FRMD3: variants seen among roughly 807,000 people sequenced by gnomAD.
FRMD3 encodes FERM domain containing 3, also known as FERM domain-containing protein 3.
Under a neutral mutation model 70.2 loss-of-function variants are expected in FRMD3, and 33 were observed. The observed-to-expected ratio is 0.47, with a 90% CI of 0.36 to 0.63. The LOEUF is 0.63. FRMD3 is among the 20% of genes least tolerant of loss of function. The pLI, the probability that FRMD3 is intolerant of heterozygous loss-of-function variation, is 0.00. For missense variants in FRMD3, 632 were observed against 711.4 expected (o/e 0.89, Z 1.27); for synonymous variants, 279 against 255.9 (o/e 1.09, Z -0.86).
rs1281172382 is a variant in FRMD3, at chr9:83,349,676, T to C, written c.374+3A>G. The C allele has an allele frequency of 6.2e-7, 1 of 1,604,334 alleles. No homozygotes were observed. Among genetic ancestry groups the C allele is most frequent in the African/African-American group, 1.3e-5 (1 of 74,908 alleles). On this transcript the variant is annotated splice_donor_region_variant and intron_variant, in intron 4 of 13. Transcript: ENST00000304195. ...GTTAAACATACAAACAAACAAAAAA[T>C]ACCTTGTGAGCTCTTCTTTAATCTT...
intron 1 of FRMD3, among the ~76,000 whole-genome samples, chr9:83,508,091 A>G (rs1829246319): frequency 6.6e-6 from 1 of 152,170 alleles, no homozygotes; most frequent in East Asian, 1.9e-4. Context: ...AAGAATTACA[A>G]CTATAAGCAA....
At chr9:83,284,464 TG>T (rs1327030417) in intron 13 of FRMD3, among the ~76,000 whole-genome samples, 1 of 152,056 alleles carries the variant, frequency 6.6e-6, no homozygotes, top group African/African-American at 2.4e-5. Context: ...AAAAATTAGC[TG>T]GGCATGGTGG....
At chr9:83,269,353 TTC>T (rs1273426558) in intron 13 of FRMD3, among the ~76,000 whole-genome samples, 3 of 152,354 alleles carry the variant, frequency 2.0e-5, no homozygotes, top group East Asian at 1.9e-4. Flanking sequence ...CATATTTTAT[TTC>T]TGTTTTTTTC....
chr9:83,455,474 C>T (rs998740507), intron 1 of FRMD3, among the ~76,000 whole-genome samples: 1 of 152,120 alleles, frequency 6.6e-6, no homozygotes, highest in Non-Finnish European at 1.5e-5. Flanking sequence ...GGGGTTGCCA[C>T]TTTTGCTTCT....
chr9:83,255,048 T>G (rs185019462), intron 13 of FRMD3, among the ~76,000 whole-genome samples: 1 of 152,284 alleles, frequency 6.6e-6, no homozygotes, highest in East Asian at 1.9e-4. Context: ...AGCATCATCC[T>G]ATACCGAAAC....
At chr9:83,274,047 C>G (rs1299335148) in intron 13 of FRMD3, among the ~76,000 whole-genome samples, 1 of 152,148 alleles carries the variant, frequency 6.6e-6, no homozygotes, top group East Asian at 1.9e-4. Flanking sequence ...TCTTGAACTC[C>G]TAGCCTCAGG....
chr9:83,322,927 C>T (rs577935732), intron 6 of FRMD3, among the ~76,000 whole-genome samples: 1 of 152,288 alleles, frequency 6.6e-6, no homozygotes, highest in South Asian at 2.1e-4. Context: ...GGCACATACT[C>T]CTATATCTAG....
intron 6 of FRMD3, 50 bp downstream of exon 6, chr9:83,335,466 G>A (rs1564021555): frequency 6.6e-7 from 1 of 1,519,592 alleles, no homozygotes; most frequent in Non-Finnish European, 9.1e-7. Flanking sequence ...CCTGCAGTAA[G>A]AATATTTTCT....
At chr9:83,567,734 T>C in the FRMD3 span, among the ~76,000 whole-genome samples, 4 of 152,346 alleles carry the variant, frequency 2.6e-5, no homozygotes, top group South Asian at 8.3e-4. Context: ...AGAGTCACTT[T>C]TGCTCCAATT....
intron 1 of FRMD3, among the ~76,000 whole-genome samples, chr9:83,488,972 T>TGTGTGTG (rs1554711650): frequency 7.4e-6 from 1 of 135,538 alleles, no homozygotes. Flanking sequence ...CCCTATACCT[T>TGTGTGTG]TGTGTGTGTG....
At position 83,389,723 on chromosome 9, in the gene FRMD3, C is replaced by A; in HGVS notation, c.148-15G>T. ...TTGGTTTCCCTCTGCAAAGGAAGCACATTTAAGTCTCAGCCAGAGCTCACC... is the reference window on the plus strand; with the variant it reads ...TTGGTTTCCCTCTGCAAAGGAAGCAAATTTAAGTCTCAGCCAGAGCTCACC... On this transcript the variant is annotated splice_polypyrimidine_tract_variant and intron_variant, in intron 1 of 13. Coordinates refer to ENST00000304195, the MANE Select transcript of FRMD3 (RefSeq NM_174938.6). 1 of 1,583,256 alleles carries A rather than the reference C, an allele frequency of 6.3e-7. No homozygotes were observed.
At chr9:83,544,209 T>C in the FRMD3 span, among the ~76,000 whole-genome samples, 1 of 44,160 alleles carries the variant, frequency 2.3e-5, no homozygotes, top group Admixed American at 2.6e-4. Context: ...TTGAAGTGTC[T>C]GTCGAACTGA....
At chr9:83,573,824 A>G in the FRMD3 span, among the ~76,000 whole-genome samples, 1 of 151,382 alleles carries the variant, frequency 6.6e-6, no homozygotes, top group Non-Finnish European at 1.5e-5. Flanking sequence ...TCAGACATCC[A>G]TTACTAAACT....
Position 83,247,761 on chromosome 9 carries a change from G to C in FRMD3, c.*157C>G, listed in dbSNP as rs533560323. 763 of 1,466,206 alleles carry C rather than the reference G, an allele frequency of 5.2e-4. No homozygotes were observed. Among genetic ancestry groups the C allele is most frequent in the Non-Finnish European group, 6.5e-4 (727 of 1,112,034 alleles). 90.8% of individuals were successfully genotyped at this position (1,466,206 alleles called of 1,614,324 possible). A position where few individuals can be genotyped will look rare whatever the true frequency, so the allele number is the denominator to read the frequency against. On this transcript the variant is annotated 3_prime_UTR_variant, in exon 14 of 14. Coordinates refer to ENST00000304195, the MANE Select transcript of FRMD3 (RefSeq NM_174938.6). The stretch of plus-strand genomic sequence containing the variant: ...GTATTTGATTTAAACTTATTTAAGT[G>C]CAGTGAATTATGGAAAGCTAACTTA...
chr9:83,361,634 C>T (rs1824588343), intron 3 of FRMD3, among the ~76,000 whole-genome samples: 2 of 152,094 alleles, frequency 1.3e-5, no homozygotes, highest in Admixed American at 1.3e-4. Context: ...CCCATGTCCA[C>T]CTAGAACCTC....
the FRMD3 span, among the ~76,000 whole-genome samples, chr9:83,575,969 A>G: frequency 6.6e-6 from 1 of 152,144 alleles, no homozygotes; most frequent in Admixed American, 6.6e-5. Flanking sequence ...CTATAATCTC[A>G]GTGCTTTGGA....
chr9:83,338,889 T>A (rs1394594069), intron 5 of FRMD3, among the ~76,000 whole-genome samples: 1 of 152,192 alleles, frequency 6.6e-6, no homozygotes, highest in Non-Finnish European at 1.5e-5. Context: ...ACGTAACATG[T>A]CCACCTTTAC....
At chr9:83,407,863 C>CTCTCTCATCTT (rs1564062644) in intron 1 of FRMD3, among the ~76,000 whole-genome samples, 189 of 119,418 alleles carry the variant, frequency 1.6e-3, no homozygotes, top group African/African-American at 6.3e-3. Flanking sequence ...CTCTCTCTCT[C>CTCTCTCATCTT]TCTCTCTCTC....
At chr9:83,585,005 A>T in the FRMD3 span, among the ~76,000 whole-genome samples, 1 of 152,214 alleles carries the variant, frequency 6.6e-6, no homozygotes, top group Non-Finnish European at 1.5e-5. Context: ...TTTAAGTCTG[A>T]GGTTTCTTAA....
Sources: allele counts gnomAD v4.1 joint callset (sites outside exome capture counted in the v4.1 genomes callset), GRCh38; gene constraint gnomAD v4.1.1; transcripts MANE v1.5; gene names NCBI Gene and HGNC (gene_info 2026-07-23, HGNC 2026-07-21).